Variants in PAPOLA observed in about 807,000 individuals in gnomAD.
PAPOLA encodes the protein poly(A) polymerase alpha, also known as polynucleotide adenylyltransferase alpha.
PAPOLA carries 15 observed loss-of-function variants against 100.6 expected under a neutral mutation model. The ratio of observed to expected loss-of-function variants is 0.15; its 90% CI spans 0.10 to 0.23. PAPOLA has a LOEUF of 0.23. Among genes scored for constraint, PAPOLA ranks in the 10% least tolerant of loss-of-function variants. PAPOLA has a pLI of 1.00. For synonymous variants in PAPOLA, 293 were observed against 300.0 expected (o/e 0.98, Z 0.24); for missense variants, 533 against 884.2 (o/e 0.60, Z 5.04).
intron 3 of PAPOLA, among the ~76,000 whole-genome samples, chr14:96,524,720 C>T (rs147808287): frequency 1.3e-5 from 2 of 152,242 alleles, no homozygotes; most frequent in East Asian, 1.9e-4. Flanking sequence ...GACGGGGTTT[C>T]ACATGTTGCC....
At position 96,552,503 on chromosome 14, in the gene PAPOLA, G is replaced by C; in HGVS notation, c.1545G>C (p.Leu515Phe). The change falls in exon 17 of 22, where the codon TTG becomes TTC. Residue 515 changes from leucine to phenylalanine, a missense_variant. By Grantham distance (22) the Leu-to-Phe change is conservative. Around this residue, in one of 9 missense-constraint regions of PAPOLA, gnomAD observed 242 missense variants for 281.0 expected, o/e 0.86. Coordinates refer to ENST00000216277, the MANE Select transcript of PAPOLA (RefSeq NM_032632.5). Reference sequence around the variant, plus strand: ...AGCATTCAACAGAAGGTGTCAAATTGACAGCTCTCAATGACAGCAGCCTCG... The same window carrying C: ...AGCATTCAACAGAAGGTGTCAAATTCACAGCTCTCAATGACAGCAGCCTCG... Reference protein sequence around the residue: ...KKKHSTEGVKLTALNDSSLDL... With the variant: ...KKKHSTEGVKFTALNDSSLDL... 1 of 1,613,766 alleles carries C rather than the reference G, an allele frequency of 6.2e-7. No homozygotes were observed. The highest frequency in any genetic ancestry group is 8.5e-7 in the Non-Finnish European group (1 of 1,179,676).
intron 1 of PAPOLA, among the ~76,000 whole-genome samples, chr14:96,517,235 A>C (rs1897539779): frequency 6.6e-6 from 1 of 152,226 alleles, no homozygotes; most frequent in South Asian, 2.1e-4. Flanking sequence ...AAAAGCATTC[A>C]TAATCCCAGG....
At chr14:96,503,676 A>T (rs1896503034) in intron 1 of PAPOLA, among the ~76,000 whole-genome samples, 1 of 152,154 alleles carries the variant, frequency 6.6e-6, no homozygotes, top group Non-Finnish European at 1.5e-5. Flanking sequence ...ATTGACACTC[A>T]AAGTTTTGGT....
Position 96,502,706 on chromosome 14 carries a change from C to A in PAPOLA, c.8+106C>A, listed in dbSNP as rs189783555. 2.3e-6 allele frequency: 3 copies of A among 1,283,482 alleles called. No homozygotes were observed. In the Admixed American group the frequency reaches 8.2e-5, roughly 35 times the overall value. The allele number at this position is 1,283,482 out of a possible 1,614,324, so 79.5% of individuals were successfully genotyped here. ...GAGGGTGGCACGCGAGCCCGACCCT[C>A]CCCGCTGGTAGGAGGCAGGCAGGAC... On this transcript the variant is annotated intron_variant, in intron 1 of 21. Coordinates refer to ENST00000216277, the MANE Select transcript of PAPOLA (RefSeq NM_032632.5).
intron 1 of PAPOLA, among the ~76,000 whole-genome samples, chr14:96,514,326 A>G (rs1595502015): frequency 6.6e-6 from 1 of 151,508 alleles, no homozygotes; most frequent in Non-Finnish European, 1.5e-5. Flanking sequence ...GGCAACTGCC[A>G]CCACGCCCGG....
At chr14:96,527,743 C>G in intron 5 of PAPOLA, 1 of 609,568 alleles carries the variant, frequency 1.6e-6, no homozygotes, top group Non-Finnish European at 2.9e-6. Flanking sequence ...TTGAGGCAAA[C>G]AAAATAAATA....
rs1422624774 is a variant in PAPOLA at position 96,565,783 on chromosome 14, G to A, written c.*733G>A. ...CCAGCAAATATTTTTCTTTGAGCTT[G>A]TGAAAGCTCTGTGTTCTTTTGCCTT... On this transcript the variant is annotated 3_prime_UTR_variant, in exon 22 of 22. Transcript: ENST00000216277. The A allele has an allele frequency of 5.0e-6, 2 of 398,150 alleles. No homozygotes were observed. The highest frequency in any genetic ancestry group is 8.9e-6 in the Non-Finnish European group (2 of 225,770). 24.7% of individuals were successfully genotyped at this position (398,150 alleles called of 1,614,324 possible). A position where few individuals can be genotyped will look rare whatever the true frequency, so the allele number is the denominator to read the frequency against.
intron 12 of PAPOLA, among the ~76,000 whole-genome samples, chr14:96,539,796 A>G (rs1423716183): frequency 6.6e-6 from 1 of 152,172 alleles, no homozygotes; most frequent in East Asian, 1.9e-4. Context: ...AGAATTGAGT[A>G]CCAATCCTGG....
chr14:96,562,426 GTT>G (rs538584053), intron 20 of PAPOLA: 8 of 136,448 alleles, frequency 5.9e-5, no homozygotes, highest in African/African-American at 8.1e-5. Flanking sequence ...TATTGAATAA[GTT>G]TTTTTTTTTT....
At chr14:96,503,156 C>T (rs1053066542) in intron 1 of PAPOLA, among the ~76,000 whole-genome samples, 1 of 152,300 alleles carries the variant, frequency 6.6e-6, no homozygotes, top group South Asian at 2.1e-4. Flanking sequence ...TGTAGGAGCA[C>T]GAGTTAAAAG....
chr14:96,565,541 G>T lies in PAPOLA; in HGVS notation c.*491G>T, dbSNP rs144198084. The stretch of plus-strand genomic sequence containing the variant: ...TCAAATTGGATACTGTTGTGCAGTG[G>T]TGTACTGTTATACTTCAGAGAAAGG... On this transcript the variant is annotated 3_prime_UTR_variant, in exon 22 of 22. Coordinates refer to ENST00000216277, the MANE Select transcript of PAPOLA (RefSeq NM_032632.5). 109 of 400,316 alleles carry T rather than the reference G, an allele frequency of 2.7e-4. No homozygotes were observed. Among genetic ancestry groups the T allele is most frequent in the African/African-American group, 1.7e-3 (82 of 48,716 alleles). 24.8% of individuals were successfully genotyped at this position (400,316 alleles called of 1,614,324 possible).
Position 96,537,209 on chromosome 14 carries a change from G to GT in PAPOLA, c.1115+157dup, listed in dbSNP as rs199822161. ...ACATACTGTTTTAGTGAACTCCTTA[G>GT]TTTTTTTTGGTTGAGGTAATGAATG... On this transcript the variant is annotated intron_variant, in intron 12 of 21. Transcript: ENST00000216277. 1.5e-3 allele frequency: 858 copies of GT among 590,534 alleles called. 8 individuals carry two copies. The African/African-American group carries it at 0.015, about 10-fold the overall frequency. 36.6% of individuals were successfully genotyped at this position (590,534 alleles called of 1,614,324 possible).
chr14:96,522,116 C>CTTTTTTTTTTTTT (rs754167531), intron 3 of PAPOLA, among the ~76,000 whole-genome samples: 15 of 57,842 alleles, frequency 2.6e-4, no homozygotes, highest in South Asian at 1.8e-3. Context: ...TTCTTTCTTT[C>CTTTTTTTTTTTTT]TTTTTTTTTT....
At chr14:96,535,815 TA>T in intron 10 of PAPOLA, 63 bp from the exon 11 acceptor site, 2 of 1,352,132 alleles carry the variant, frequency 1.5e-6, no homozygotes, top group Non-Finnish European at 1.9e-6. Flanking sequence ...TAACAAGGGG[TA>T]AAAAGCCCAA....
chr14:96,552,702 C>A, intron 17 of PAPOLA, 80 bp downstream of exon 17: 3 of 1,258,062 alleles, frequency 2.4e-6, no homozygotes, highest in East Asian at 2.5e-5. Flanking sequence ...CTATTAAAGT[C>A]ATCTATTTAG....
At chr14:96,548,049 T>C (rs1237767387) in intron 16 of PAPOLA, 131 bp downstream of exon 16, 11 of 758,898 alleles carry the variant, frequency 1.4e-5, no homozygotes, top group East Asian at 2.8e-5. Flanking sequence ...AAAATCTGTT[T>C]CATGGAGCAG....
intron 19 of PAPOLA, chr14:96,560,361 C>A: frequency 4.4e-6 from 1 of 229,336 alleles, no homozygotes; most frequent in Non-Finnish European, 8.3e-6. Flanking sequence ...TTTTCTTTTC[C>A]TTACAAAATA....
At chr14:96,555,200 T>G (rs1336133946) in intron 17 of PAPOLA, among the ~76,000 whole-genome samples, 1 of 151,296 alleles carries the variant, frequency 6.6e-6, no homozygotes, top group Admixed American at 6.6e-5. Flanking sequence ...CTCAGAACAT[T>G]TGCTCATTCA....
At chr14:96,534,448 A>G (rs1352118233) in intron 9 of PAPOLA, 43 bp from the exon 10 acceptor site, 4 of 1,602,894 alleles carry the variant, frequency 2.5e-6, no homozygotes, top group Non-Finnish European at 3.4e-6. Flanking sequence ...TTTAGATGGT[A>G]ATATCCAATA....
Sources: gnomAD v4.1 joint callset for allele counts (sites outside exome capture counted in the v4.1 genomes callset) on GRCh38, gnomAD v4.1.1 for gene constraint, gnomAD v4.1.1 regional missense constraint, MANE v1.5 for transcripts, NCBI Gene and HGNC (gene_info 2026-07-23, HGNC 2026-07-21) for gene names.